The following CCDC81 variants were observed in gnomAD, a reference collection of about 807,000 sequenced individuals.
The protein encoded by CCDC81 is coiled-coil domain-containing protein 81.
CCDC81 carries 79 observed loss-of-function variants against 83.7 expected under a neutral mutation model. That is an observed-to-expected ratio of 0.94 (90% CI 0.79 to 1.14). The LOEUF is 1.14. Among genes scored for constraint, CCDC81 ranks in the 50% most tolerant of loss-of-function variants. The pLI is 0.00. For synonymous variants in CCDC81, 252 were observed against 278.1 expected (o/e 0.91, Z 0.93); for missense variants, 791 against 778.1 (o/e 1.02, Z -0.20).
chr11:86,406,792 G>A (rs140093613), intron 7 of CCDC81, among the ~76,000 whole-genome samples: 1 of 152,060 alleles, frequency 6.6e-6, no homozygotes, highest in Non-Finnish European at 1.5e-5. Context: ...GTGACAGAGC[G>A]AGACTCTGTC....
At chr11:86,415,559 T>A (rs1386799391) in intron 13 of CCDC81, among the ~76,000 whole-genome samples, 1 of 152,228 alleles carries the variant, frequency 6.6e-6, no homozygotes, top group Non-Finnish European at 1.5e-5. Context: ...TTTAAAAACC[T>A]CTCTTGACAC....
intron 3 of CCDC81, among the ~76,000 whole-genome samples, chr11:86,388,960 T>C (rs372944487): frequency 6.6e-6 from 1 of 152,084 alleles, no homozygotes; most frequent in South Asian, 2.1e-4. Flanking sequence ...GAATTAGACA[T>C]ATATGACTGA....
chr11:86,388,352 T>C (rs1205994295), intron 3 of CCDC81, among the ~76,000 whole-genome samples: 1 of 152,128 alleles, frequency 6.6e-6, no homozygotes, highest in African/African-American at 2.4e-5. Flanking sequence ...CCAGCTTTAG[T>C]GTGTGGGCTT....
intron 10 of CCDC81, among the ~76,000 whole-genome samples, chr11:86,411,198 C>T (rs770560115): frequency 2.6e-5 from 4 of 152,192 alleles, no homozygotes; most frequent in Admixed American, 6.5e-5. Context: ...TATGCCTTCT[C>T]CTTTCCCTTG....
chr11:86,387,299 G>A (rs1190274706), intron 2 of CCDC81, among the ~76,000 whole-genome samples: 1 of 152,178 alleles, frequency 6.6e-6, no homozygotes, highest in African/African-American at 2.4e-5. Flanking sequence ...GCGATCTGAT[G>A]TCTGCAAATC....
chr11:86,391,662 G>C (rs1181894371), intron 3 of CCDC81, among the ~76,000 whole-genome samples: 2 of 152,162 alleles, frequency 1.3e-5, no homozygotes, highest in African/African-American at 2.4e-5. Context: ...ATAACTTCTA[G>C]TGAAGATGGG....
At chr11:86,421,123 G>A (rs571241020) in intron 14 of CCDC81, among the ~76,000 whole-genome samples, 5 of 152,268 alleles carry the variant, frequency 3.3e-5, no homozygotes, top group Admixed American at 6.5e-5. Context: ...AGTGTGGACA[G>A]AGACTTGAGC....
At chr11:86,415,469 G>A (rs1211680647) in intron 13 of CCDC81, among the ~76,000 whole-genome samples, 156 bp downstream of exon 13, 1 of 152,104 alleles carries the variant, frequency 6.6e-6, no homozygotes, top group Non-Finnish European at 1.5e-5. Flanking sequence ...ATTTGTGCAA[G>A]GCATTGTTTT....
chr11:86,405,965 G>T (rs1456901119), intron 7 of CCDC81, among the ~76,000 whole-genome samples: 1 of 152,042 alleles, frequency 6.6e-6, no homozygotes, highest in Non-Finnish European at 1.5e-5. Context: ...GTTTCACCAT[G>T]TTGGCCAGGC....
At chr11:86,412,323 T>C in intron 10 of CCDC81, 64 bp from the exon 11 acceptor site, 1 of 1,244,202 alleles carries the variant, frequency 8.0e-7, no homozygotes, top group Admixed American at 2.3e-5. Flanking sequence ...ATCTTAGTCT[T>C]CTGAATTATT....
chr11:86,391,834 G>A (rs912598905), intron 3 of CCDC81, among the ~76,000 whole-genome samples: 3 of 152,142 alleles, frequency 2.0e-5, no homozygotes, highest in Non-Finnish European at 2.9e-5. Flanking sequence ...ACTGACCCAC[G>A]TTTCCACAGG....
intron 7 of CCDC81, among the ~76,000 whole-genome samples, chr11:86,402,718 G>A (rs1039608207): frequency 1.3e-5 from 2 of 152,114 alleles, no homozygotes; most frequent in African/African-American, 2.4e-5. Flanking sequence ...TATCCTCTCA[G>A]CAACAGTAAT....
intron 13 of CCDC81, among the ~76,000 whole-genome samples, chr11:86,416,083 A>G (rs1171260811): frequency 1.3e-5 from 2 of 152,052 alleles, no homozygotes; most frequent in African/African-American, 4.8e-5. Context: ...TCATGTGCCT[A>G]TTTGCCATCC....
At chr11:86,400,127 T>C (rs1342149774) in intron 6 of CCDC81, among the ~76,000 whole-genome samples, 1 of 107,714 alleles carries the variant, frequency 9.3e-6, no homozygotes, top group Admixed American at 1.0e-4. Context: ...TCAGACTCCA[T>C]CTCAAAAAAA....
chr11:86,386,111 A>C lies in CCDC81; in HGVS notation c.140A>C (p.Lys47Thr), dbSNP rs564929766. The C allele has an allele frequency of 7.8e-7, 1 of 1,289,566 alleles. No homozygotes were observed. Among genetic ancestry groups the C allele is most frequent in the South Asian group, 1.9e-5 (1 of 51,628 alleles). The allele number at this position is 1,289,566 out of a possible 1,614,324, so 79.9% of individuals were successfully genotyped here. ...EFVRRQLTLH[K>T]GVQIPAFGTF... ...GTGAGACGGCAGTTAACCCTGCACA[A>C]GGTAAGATTTATTAATTTATTAATT... The change falls in exon 2 of 15, where the codon AAG (lysine) becomes ACG (threonine). Residue 47 changes from lysine (K) to threonine (T), a missense_variant and splice_region_variant. Physicochemically the swap from Lys to Thr is moderately conservative, Grantham distance 78 (BLOSUM62 -1). Coordinates refer to ENST00000445632, the MANE Select transcript of CCDC81 (RefSeq NM_001156474.2).
chr11:86,404,967 T>C (rs1249060299), intron 7 of CCDC81, among the ~76,000 whole-genome samples: 1 of 152,218 alleles, frequency 6.6e-6, no homozygotes, highest in Non-Finnish European at 1.5e-5. Flanking sequence ...CTAGCTTGAG[T>C]ACTTTTACAG....
At chr11:86,395,481 G>T in intron 5 of CCDC81, 68 bp downstream of exon 5, 2 of 1,224,574 alleles carry the variant, frequency 1.6e-6, no homozygotes, top group Non-Finnish European at 2.4e-6. Context: ...ATCTCATTGG[G>T]CAGTGTTTCT....
Position 86,420,026 on chromosome 11 carries a change from G to A in CCDC81, c.1790G>A (p.Arg597Gln). The A allele has an allele frequency of 5.6e-6, 9 of 1,613,762 alleles. No homozygotes were observed. Among genetic ancestry groups the A allele is most frequent in the Non-Finnish European group, 7.6e-6 (9 of 1,179,896 alleles). ...AGGAGTGCTGCGATGAAGAAGCAGC[G>A]AGACCTGGAGGACAAGGCTTTTGAA... is the stretch of plus-strand genomic sequence containing the variant. Reference protein sequence around the residue: ...WERSAAMKKQRDLEDKAFERA... With the variant: ...WERSAAMKKQQDLEDKAFERA... Residue 597 changes from arginine to glutamine, a missense_variant, in exon 14 of 15, where the codon CGA becomes CAA. Arg to Gln is a conservative substitution (Grantham distance 43). Transcript: ENST00000445632.
Position 86,422,894 on chromosome 11 carries a change from A to C in CCDC81, c.*179A>C, listed in dbSNP as rs1948815027. Reference sequence around the variant, plus strand: ...TCACTCCTGCTTTCCTCCCACCCCCAATTATTTCCTATACTAGTTTCTGAT... The same window carrying C: ...TCACTCCTGCTTTCCTCCCACCCCCCATTATTTCCTATACTAGTTTCTGAT... On this transcript the variant is annotated 3_prime_UTR_variant, in exon 15 of 15. Coordinates refer to ENST00000445632, the MANE Select transcript of CCDC81 (RefSeq NM_001156474.2). The C allele has an allele frequency of 1.6e-6, 1 of 626,486 alleles. No homozygotes were observed. Among genetic ancestry groups the C allele is most frequent in the African/African-American group, 1.8e-5 (1 of 54,298 alleles). The allele number at this position is 626,486 out of a possible 1,614,324, so 38.8% of individuals were successfully genotyped here.
Sources: allele counts gnomAD v4.1 joint callset (sites outside exome capture counted in the v4.1 genomes callset), GRCh38; gene constraint gnomAD v4.1.1; transcripts MANE v1.5; gene names NCBI Gene and HGNC (gene_info 2026-07-23, HGNC 2026-07-21).